HS6ST3: variants seen among roughly 807,000 people sequenced by gnomAD.
The protein encoded by HS6ST3 is heparan sulfate 6-O-sulfotransferase 3.
A neutral mutation model predicts 36.7 loss-of-function variants in HS6ST3; 12 were observed. That is an observed-to-expected ratio of 0.33 (90% CI 0.21 to 0.53). The LOEUF is 0.53. Ranked by LOEUF, HS6ST3 falls within the 20% of genes least tolerant of loss-of-function variation. The pLI is 0.95. For missense variants in HS6ST3, 584 were observed against 640.9 expected, an observed-to-expected ratio of 0.91 and a Z score of 0.96; for synonymous variants, 240 against 257.5, an observed-to-expected ratio of 0.93 and a Z score of 0.65.
chr13:96,365,966 T>TA (rs745927030), intron 1 of HS6ST3, among the ~76,000 whole-genome samples: 8 of 152,178 alleles, frequency 5.3e-5, no homozygotes, highest in Non-Finnish European at 1.0e-4. Context: ...GTTGTCATAT[T>TA]AAATGACATA....
At chr13:96,341,852 T>C (rs1314243483) in intron 1 of HS6ST3, among the ~76,000 whole-genome samples, 2 of 152,234 alleles carry the variant, frequency 1.3e-5, no homozygotes, top group African/African-American at 4.8e-5. Flanking sequence ...TGCATTTTCA[T>C]TCTTCTCTAC....
At chr13:96,256,136 T>G (rs2054635719) in intron 1 of HS6ST3, among the ~76,000 whole-genome samples, 1 of 152,330 alleles carries the variant, frequency 6.6e-6, no homozygotes, top group East Asian at 1.9e-4. Context: ...CAAATGTTAT[T>G]GTATAGACGA....
intron 1 of HS6ST3, among the ~76,000 whole-genome samples, chr13:96,189,357 A>G (rs2054278680): frequency 6.6e-6 from 1 of 152,144 alleles, no homozygotes; most frequent in Non-Finnish European, 1.5e-5. Context: ...ACATTTAATA[A>G]TGAATCTAAG....
chr13:96,246,658 T>TTG (rs959650509), intron 1 of HS6ST3, among the ~76,000 whole-genome samples: 1 of 152,150 alleles, frequency 6.6e-6, no homozygotes, highest in African/African-American at 2.4e-5. Context: ...GTTTCCTTTT[T>TTG]TGTGTGTGTG....
At chr13:96,247,014 G>A (rs574008262) in intron 1 of HS6ST3, among the ~76,000 whole-genome samples, 3 of 152,260 alleles carry the variant, frequency 2.0e-5, no homozygotes, top group African/African-American at 7.2e-5. Flanking sequence ...GTGAGGATGT[G>A]TAGAGATTTA....
intron 1 of HS6ST3, among the ~76,000 whole-genome samples, chr13:96,260,797 A>C (rs2054662555): frequency 6.6e-6 from 1 of 151,688 alleles, no homozygotes; most frequent in Non-Finnish European, 1.5e-5. Context: ...GCACCACCAC[A>C]CCTAGCGAAT....
At chr13:96,573,324 T>C (rs2056307747) in intron 1 of HS6ST3, among the ~76,000 whole-genome samples, 1 of 152,162 alleles carries the variant, frequency 6.6e-6, no homozygotes, top group Admixed American at 6.5e-5. Context: ...GGTAAAGAGG[T>C]ACATATGCCT....
chr13:96,510,151 G>C (rs1482392136), intron 1 of HS6ST3, among the ~76,000 whole-genome samples: 1 of 145,912 alleles, frequency 6.9e-6, no homozygotes, highest in African/African-American at 2.6e-5. Flanking sequence ...ATTTGCAGCT[G>C]TTGTAAAAGG....
chr13:96,491,578 G>C (rs2055945948), intron 1 of HS6ST3, among the ~76,000 whole-genome samples: 1 of 151,584 alleles, frequency 6.6e-6, no homozygotes, highest in African/African-American at 2.4e-5. Flanking sequence ...TTCTAAATCG[G>C]ACATCTTTGG....
intron 1 of HS6ST3, among the ~76,000 whole-genome samples, chr13:96,188,256 TA>T (rs2054273447): frequency 6.6e-6 from 1 of 152,184 alleles, no homozygotes; most frequent in South Asian, 2.1e-4. Context: ...GTATGATGTT[TA>T]TAGTGATTTT....
rs2053805759 is a variant in HS6ST3, at chr13:96,099,098, C to A, written c.707+7529C>A. On this transcript the variant is annotated intron_variant, in intron 1 of 1. Transcript: ENST00000376705. ...AGCTGGGATTAAAGGCGCCCACCAC[C>A]ATGCCCGGCTAATTTTTGTATTTGT... Among the ~76,000 whole-genome samples the A allele has an allele frequency of 2.6e-5, 4 of 152,214 alleles. No homozygotes were observed. The South Asian group carries it at 8.3e-4, about 32-fold the overall frequency.
intron 1 of HS6ST3, among the ~76,000 whole-genome samples, chr13:96,692,628 C>T (rs1874997895): frequency 6.6e-6 from 1 of 152,098 alleles, no homozygotes; most frequent in South Asian, 2.1e-4. Flanking sequence ...CCATACTGAA[C>T]AATTCAGCAG....
intron 1 of HS6ST3, among the ~76,000 whole-genome samples, chr13:96,813,595 C>T (rs1382057913): frequency 6.6e-6 from 1 of 152,180 alleles, no homozygotes; most frequent in East Asian, 1.9e-4. Context: ...CTTTACTTCC[C>T]TTGACAACCC....
intron 1 of HS6ST3, among the ~76,000 whole-genome samples, chr13:96,643,419 A>G (rs1270936666): frequency 6.6e-6 from 1 of 151,950 alleles, no homozygotes; most frequent in Non-Finnish European, 1.5e-5. Flanking sequence ...CCAGATTCTC[A>G]GGAATTTGTT....
At chr13:96,343,829 G>A (rs891663598) in intron 1 of HS6ST3, among the ~76,000 whole-genome samples, 8 of 152,054 alleles carry the variant, frequency 5.3e-5, no homozygotes, top group East Asian at 1.9e-4. Context: ...TGCAACCTCC[G>A]CCTCCTGGGT....
intron 1 of HS6ST3, among the ~76,000 whole-genome samples, chr13:96,258,628 C>G (rs957872882): frequency 6.6e-6 from 1 of 152,132 alleles, no homozygotes; most frequent in African/African-American, 2.4e-5. Context: ...TTCCTTTTAC[C>G]TGCCATTCAC....
chr13:96,777,788 AC>A (rs1454972356), intron 1 of HS6ST3, among the ~76,000 whole-genome samples: 1 of 152,204 alleles, frequency 6.6e-6, no homozygotes, highest in Non-Finnish European at 1.5e-5. Flanking sequence ...CCATCAAGTT[AC>A]CACTGACTTT....
intron 1 of HS6ST3, chr13:96,573,748 G>T: frequency 3.0e-6 from 1 of 333,780 alleles, no homozygotes. Flanking sequence ...GCCGTCCCCA[G>T]CCCTAGGTCA....
rs560124404 is a variant in HS6ST3, at chr13:96,280,810, A to G, written c.707+189241A>G. On this transcript the variant is annotated intron_variant, in intron 1 of 1. Coordinates refer to ENST00000376705, the MANE Select transcript of HS6ST3 (RefSeq NM_153456.4). ...ACAACAGTTAATATTGCAACAGAAT[A>G]AGAGAAGTACATGTGACAGAGAGAC... Among the ~76,000 whole-genome samples the G allele has an allele frequency of 2.0e-5, 3 of 152,304 alleles. 1 individual carries two copies. Among genetic ancestry groups the G allele is most frequent in the African/African-American group, 7.2e-5 (3 of 41,566 alleles).
Sources: gnomAD v4.1 joint callset for allele counts (sites outside exome capture counted in the v4.1 genomes callset) on GRCh38, gnomAD v4.1.1 for gene constraint, MANE v1.5 for transcripts, NCBI Gene and HGNC (gene_info 2026-07-23, HGNC 2026-07-21) for gene names.